DPY30: variants seen among roughly 807,000 people sequenced by gnomAD.
DPY30 encodes the protein protein dpy-30 homolog.
Under a neutral mutation model 16.2 loss-of-function variants are expected in DPY30, and 6 were observed. That is an observed-to-expected ratio of 0.37 (90% CI 0.20 to 0.73). The LOEUF is 0.73. Among genes scored for constraint, DPY30 ranks in the 30% least tolerant of loss-of-function variants. DPY30 has a pLI of 0.51. For missense variants in DPY30, 73 were observed against 113.1 expected (o/e 0.65, Z 1.61); for synonymous variants, 39 against 38.8 (o/e 1.00, Z -0.02).
At chr2:32,025,804 A>G (rs1272600739) in intron 4 of DPY30, among the ~76,000 whole-genome samples, 1 of 150,344 alleles carries the variant, frequency 6.7e-6, no homozygotes, top group Non-Finnish European at 1.5e-5. Flanking sequence ...CCGGGGGGAA[A>G]AAAAAAACAA....
At chr2:32,033,448 G>A (rs1230055155) in intron 3 of DPY30, among the ~76,000 whole-genome samples, 5 of 152,168 alleles carry the variant, frequency 3.3e-5, no homozygotes, top group African/African-American at 7.2e-5. Context: ...CAAGGCAGGC[G>A]GATCACTTGA....
chr2:32,026,646 C>G (rs1675340913), intron 4 of DPY30, among the ~76,000 whole-genome samples: 1 of 151,892 alleles, frequency 6.6e-6, no homozygotes, highest in Non-Finnish European at 1.5e-5. Flanking sequence ...CAAAAATTAG[C>G]CAGGCACGAT....
At chr2:32,036,050 T>C (rs1197916117) in intron 3 of DPY30, among the ~76,000 whole-genome samples, 1 of 151,666 alleles carries the variant, frequency 6.6e-6, no homozygotes, top group Admixed American at 6.6e-5. Context: ...ACTGGCATGA[T>C]CCTGGTTCAC....
At chr2:32,025,935 T>C (rs1252905501) in intron 4 of DPY30, among the ~76,000 whole-genome samples, 1 of 151,722 alleles carries the variant, frequency 6.6e-6, no homozygotes, top group East Asian at 1.9e-4. Flanking sequence ...GACAAAACCC[T>C]GTCTCTACAG....
At chr2:32,019,628 C>A (rs949033663), downstream of DPY30, among the ~76,000 whole-genome samples, 2 of 151,500 alleles carry the variant, frequency 1.3e-5, no homozygotes, top group Non-Finnish European at 2.9e-5. Context: ...TTGAGACCAG[C>A]CTGGCCAACA....
At chr2:32,019,940 A>G (rs1170014266), downstream of DPY30, among the ~76,000 whole-genome samples, 1 of 148,890 alleles carries the variant, frequency 6.7e-6, no homozygotes, top group East Asian at 2.0e-4. Context: ...GTACATATAT[A>G]TGTATATGTA....
exon 6 of DPY30, chr2:32,011,920 G>A (rs1674937346): frequency 6.6e-6 from 1 of 152,304 alleles, no homozygotes; most frequent in Admixed American, 6.6e-5. Context: ...ATCCGGGCGT[G>A]GTGGCTTCGC....
downstream of DPY30, among the ~76,000 whole-genome samples, chr2:32,022,716 C>T (rs1337944594): frequency 1.3e-5 from 2 of 151,844 alleles, no homozygotes; most frequent in Admixed American, 1.3e-4. Context: ...CAGGGTTTCA[C>T]CATATTGGCC....
downstream of DPY30, among the ~76,000 whole-genome samples, chr2:32,022,598 A>G (rs1200841839): frequency 6.6e-6 from 1 of 151,760 alleles, no homozygotes; most frequent in Non-Finnish European, 1.5e-5. Flanking sequence ...GCTCACTGCA[A>G]CCTCTGCCTC....
chr2:32,028,112 C>CT (rs1159330100), intron 4 of DPY30, among the ~76,000 whole-genome samples: 5,962 of 136,196 alleles, frequency 0.044, 173 homozygotes, highest in South Asian at 0.073. Context: ...GATATATTTC[C>CT]TTTTTTTTTT....
chr2:32,025,781 A>AAC (rs1553387403), intron 4 of DPY30, among the ~76,000 whole-genome samples: 1 of 149,848 alleles, frequency 6.7e-6, no homozygotes, highest in Non-Finnish European at 1.5e-5. Context: ...AAAAAAAAAA[A>AAC]ACCGTACTTG....
At chr2:32,030,839 G>T (rs542295656) in intron 3 of DPY30, among the ~76,000 whole-genome samples, 1 of 152,008 alleles carries the variant, frequency 6.6e-6, no homozygotes, top group East Asian at 1.9e-4. Flanking sequence ...AAATGAACAG[G>T]TTTAAGAAAA....
intron 3 of DPY30, among the ~76,000 whole-genome samples, chr2:32,038,229 G>C (rs1193983795): frequency 1.4e-5 from 2 of 143,580 alleles, no homozygotes; most frequent in East Asian, 2.2e-4. Context: ...TCCACCTCTC[G>C]GGTTCAAGCG....
chr2:32,028,453 G>A (rs998985744), intron 4 of DPY30, among the ~76,000 whole-genome samples: 4 of 152,182 alleles, frequency 2.6e-5, no homozygotes, highest in Non-Finnish European at 4.4e-5. Flanking sequence ...GAATTTAGGT[G>A]AGAAATACTG....
rs1022941379 is a variant in DPY30, at chr2:32,028,163, T to C, written c.227+1431A>G. On this transcript the variant is annotated intron_variant, in intron 4 of 4. Transcript: ENST00000342166. ...TCTCACTCTGTCACCCAGGCTGGAG[T>C]GCAGTGGTGCGATCACAGCTCACTG... is the stretch of plus-strand genomic sequence containing the variant. Among the ~76,000 whole-genome samples, 7 of 149,040 alleles carry C rather than the reference T, an allele frequency of 4.7e-5. No individual in the cohort carries two copies. In the South Asian group the frequency reaches 1.1e-3, roughly 23 times the overall value.
intron 3 of DPY30, among the ~76,000 whole-genome samples, chr2:32,035,591 TAA>T (rs906842596): frequency 7.3e-6 from 1 of 137,398 alleles, no homozygotes. Context: ...TTCATCTTAT[TAA>T]AAAAAAAAAA....
At chr2:32,024,512 T>G (rs1236564025) in intron 4 of DPY30, among the ~76,000 whole-genome samples, 3 of 152,206 alleles carry the variant, frequency 2.0e-5, no homozygotes, top group Non-Finnish European at 4.4e-5. Context: ...AAAAAATGTA[T>G]TGACAATGGG....
chr2:32,021,113 C>G (rs1179067887), downstream of DPY30: 1 of 151,824 alleles, frequency 6.6e-6, no homozygotes, highest in Non-Finnish European at 1.5e-5. Flanking sequence ...TAAGAAAATA[C>G]AAAAAATTAG....
intron 4 of DPY30, among the ~76,000 whole-genome samples, chr2:32,027,879 C>T (rs1028836292): frequency 9.9e-5 from 15 of 151,948 alleles, no homozygotes; most frequent in Non-Finnish European, 1.8e-4. Context: ...CTGCCCGCCT[C>T]GGCCTCCCAA....
Sources: allele counts gnomAD v4.1 joint callset (sites outside exome capture counted in the v4.1 genomes callset), GRCh38; gene constraint gnomAD v4.1.1; transcripts MANE v1.5; gene names NCBI Gene and HGNC (gene_info 2026-07-23, HGNC 2026-07-21).